NUMA1: variants seen among roughly 807,000 people sequenced by gnomAD.
The protein encoded by NUMA1 is nuclear mitotic apparatus protein 1.
A neutral mutation model predicts 237.1 loss-of-function variants in NUMA1; 62 were observed. The ratio of observed to expected loss-of-function variants is 0.26; its 90% CI spans 0.21 to 0.32. NUMA1 has a LOEUF of 0.32. Among genes scored for constraint, NUMA1 ranks in the 10% least tolerant of loss-of-function variants. The pLI is 1.00. For missense variants in NUMA1, 2,533 were observed against 2,666.5 expected (o/e 0.95, Z 1.10); for synonymous variants, 1,028 against 1,066.1 (o/e 0.96, Z 0.70).
chr11:72,053,826 T>A (rs1418963994), intron 2 of NUMA1, among the ~76,000 whole-genome samples: 1 of 152,162 alleles, frequency 6.6e-6, no homozygotes, highest in South Asian at 2.1e-4. Context: ...AAAAAAAGCA[T>A]CTGTACTGAA....
chr11:72,004,913 T>C (rs757153201), intron 23 of NUMA1, 97 bp from the exon 24 acceptor site: 14 of 1,208,968 alleles, frequency 1.2e-5, no homozygotes, highest in South Asian at 1.5e-5. Flanking sequence ...CCGACACTTA[T>C]GGTCGGGACC....
intron 16 of NUMA1, among the ~76,000 whole-genome samples, chr11:72,011,213 T>C (rs1956140497): frequency 6.6e-6 from 1 of 152,134 alleles, no homozygotes; most frequent in South Asian, 2.1e-4. Flanking sequence ...GCCGCAACCT[T>C]CCCAGGACCT....
chr11:72,054,163 G>C (rs999523147), intron 2 of NUMA1, among the ~76,000 whole-genome samples: 1 of 152,016 alleles, frequency 6.6e-6, no homozygotes, highest in Non-Finnish European at 1.5e-5. Context: ...GTGCCAAAAA[G>C]CAAGATAAGA....
chr11:72,080,096 T>C (rs1198997307), intron 1 of NUMA1, among the ~76,000 whole-genome samples: 1 of 152,182 alleles, frequency 6.6e-6, no homozygotes, highest in Non-Finnish European at 1.5e-5. Context: ...AAATGCTGAC[T>C]ACTGCACTAC....
At chr11:72,009,843 G>A (rs1956026438) in intron 17 of NUMA1, among the ~76,000 whole-genome samples, 1 of 152,230 alleles carries the variant, frequency 6.6e-6, no homozygotes, top group Non-Finnish European at 1.5e-5. Context: ...ACTGAGTTCA[G>A]AGATTTAAGC....
intron 1 of NUMA1, among the ~76,000 whole-genome samples, chr11:72,074,560 G>A (rs1327681709): frequency 4.0e-5 from 6 of 148,646 alleles, no homozygotes; most frequent in Non-Finnish European, 6.0e-5. Flanking sequence ...GCAACATAGT[G>A]AGACCTCGTC....
intron 20 of NUMA1, 25 bp from the exon 21 acceptor site, chr11:72,007,460 TAC>T (rs1565191783): frequency 6.2e-7 from 1 of 1,611,462 alleles, no homozygotes; most frequent in Non-Finnish European, 8.5e-7. Flanking sequence ...CCTGCTGAGG[TAC>T]AGTCCTTCAC....
chr11:72,005,172 C>T (rs1955603413), intron 23 of NUMA1, 61 bp downstream of exon 23: 1 of 1,498,672 alleles, frequency 6.7e-7, no homozygotes, highest in South Asian at 1.3e-5. Flanking sequence ...GCTAGATCAG[C>T]AGGTGGGATT....
At chr11:72,052,590 AC>A (rs1446913731) in intron 2 of NUMA1, among the ~76,000 whole-genome samples, 1 of 151,824 alleles carries the variant, frequency 6.6e-6, no homozygotes, top group Non-Finnish European at 1.5e-5. Flanking sequence ...ACATGGTGAA[AC>A]CCCGTCTCTA....
At chr11:72,006,380 G>A in intron 21 of NUMA1, 117 bp from the exon 22 acceptor site, 1 of 818,068 alleles carries the variant, frequency 1.2e-6, no homozygotes, top group Non-Finnish European at 1.9e-6. Flanking sequence ...CAACTGCTTT[G>A]CAAAGGTCCT....
intron 16 of NUMA1, among the ~76,000 whole-genome samples, chr11:72,012,016 C>G (rs1956193236): frequency 6.6e-6 from 1 of 152,202 alleles, no homozygotes; most frequent in Non-Finnish European, 1.5e-5. Context: ...TTAAACAAGG[C>G]CGACACGGTA....
chr11:72,037,460 C>T (rs1021749574), intron 2 of NUMA1, among the ~76,000 whole-genome samples: 2 of 151,910 alleles, frequency 1.3e-5, no homozygotes, highest in African/African-American at 4.8e-5. Context: ...GAGCCGAGAT[C>T]GCACCACTGC....
intron 18 of NUMA1, 27 bp from the exon 19 acceptor site, chr11:72,009,212 G>A: frequency 7.6e-6 from 3 of 392,268 alleles, no homozygotes; most frequent in Non-Finnish European, 1.6e-5. Flanking sequence ...TGGGTGGGTG[G>A]GGTAGAGGTT....
chr11:72,063,411 G>A (rs957584406), intron 2 of NUMA1, among the ~76,000 whole-genome samples: 1 of 151,448 alleles, frequency 6.6e-6, no homozygotes, highest in Non-Finnish European at 1.5e-5. Flanking sequence ...AAACAAAAAT[G>A]TTCATATTTG....
In NUMA1 at chr11:72,021,778, T is replaced by TA. The variant is rs1308282545; in HGVS notation, c.373-488dup. On this transcript the variant is annotated intron_variant, in intron 7 of 26. Coordinates refer to ENST00000393695, the MANE Select transcript of NUMA1 (RefSeq NM_006185.4). Reference sequence around the variant, plus strand: ...ACTGCCACACCCAGCTCATTTTTTTTAAAAAAAATATTTTTTGTTGAGACA... The same window carrying TA: ...ACTGCCACACCCAGCTCATTTTTTTTAAAAAAAAATATTTTTTGTTGAGACA... Among the ~76,000 whole-genome samples, 17 of 152,078 alleles carry TA rather than the reference T, an allele frequency of 1.1e-4. No individual in the cohort carries two copies. In the East Asian group the frequency reaches 1.9e-3, roughly 17 times the overall value.
chr11:72,041,828 G>T (rs1159038161), intron 2 of NUMA1: 1 of 152,384 alleles, frequency 6.6e-6, no homozygotes, highest in Non-Finnish European at 1.5e-5. Flanking sequence ...CATACCTTCT[G>T]CGTGGCAAGG....
chr11:72,013,242 G>C lies in NUMA1; in HGVS notation c.4261C>G (p.Arg1421Gly). 6.2e-7 allele frequency: 1 copy of C among 1,606,528 alleles called. No homozygotes were observed. The highest frequency in any genetic ancestry group is 2.2e-5 in the East Asian group (1 of 44,876). ...PLRQKVAEQERTAQQLRAEKA... is the reference protein window; with the variant it reads ...PLRQKVAEQEGTAQQLRAEKA... ...TCTGCCCGCAGCTGCTGAGCTGTTC[G>C]CTCCTGCTCTGCCACCTTCTGCCGC... The change falls in exon 15 of 27, where the codon CGA (arginine) becomes GGA (glycine). Residue 1421 changes from arginine (R) to glycine (G), a missense_variant. Arg to Gly is a moderately radical substitution (Grantham distance 125). Transcript: ENST00000393695. The surrounding 1 kb of genome is among the most constrained non-coding windows in gnomAD (Gnocchi z 6.8).
At chr11:72,005,052 A>C (rs2155146) in intron 23 of NUMA1, among the ~76,000 whole-genome samples, 181 bp downstream of exon 23, 140,600 of 152,174 alleles carry the variant, frequency 0.92, 65,231 homozygotes, top group Non-Finnish European at 0.98. Flanking sequence ...TGCCTACCCC[A>C]AGGGACTTCA....
At chr11:72,060,924 G>C (rs368323268) in intron 2 of NUMA1, among the ~76,000 whole-genome samples, 1 of 152,092 alleles carries the variant, frequency 6.6e-6, no homozygotes, top group Non-Finnish European at 1.5e-5. Context: ...ACAAAAATTA[G>C]CTGGCCGTGG....
Sources: gnomAD v4.1 joint callset for allele counts (sites outside exome capture counted in the v4.1 genomes callset) on GRCh38, gnomAD v4.1.1 for gene constraint, Gnocchi (gnomAD v3.1) non-coding constraint, MANE v1.5 for transcripts, NCBI Gene and HGNC (gene_info 2026-07-23, HGNC 2026-07-21) for gene names.